Variants in SEC16A observed in about 807,000 individuals in gnomAD.
SEC16A encodes SEC16 homolog A, endoplasmic reticulum export factor.
SEC16A carries 110 observed loss-of-function variants against 221.9 expected under a neutral mutation model. The ratio of observed to expected loss-of-function variants is 0.50; its 90% confidence interval spans 0.42 to 0.58. The LOEUF (loss-of-function observed/expected upper bound fraction) is 0.58. SEC16A is among the 20% of genes least tolerant of loss of function. SEC16A has a pLI of 0.00. For missense variants in SEC16A, 3,165 were observed against 3,097.8 expected (o/e 1.02, Z -0.52); for synonymous variants, 1,393 against 1,257.7 (o/e 1.11, Z -2.28).
upstream of SEC16A, chr9:136,483,105 G>T: frequency 1.3e-6 from 1 of 793,020 alleles, no homozygotes; most frequent in South Asian, 5.6e-5. Flanking sequence ...CGCGCGCCCC[G>T]CCCCTGGCCC....
In SEC16A at chr9:136,456,100, C is replaced by A. The variant is rs138068163; in HGVS notation, c.5617G>T (p.Ala1873Ser). 288 of 1,612,870 alleles carry A rather than the reference C, an allele frequency of 1.8e-4. 1 individual carries two copies. In the African/African-American group the frequency reaches 3.3e-3, roughly 18 times the overall value. Residue 1873 changes from alanine to serine, a missense_variant, in exon 19 of 32, where the codon GCA becomes TCA. By Grantham distance (99) the Ala-to-Ser change is moderately conservative (BLOSUM62 1). Coordinates refer to ENST00000684901, the MANE Select transcript of SEC16A (RefSeq NM_014866.2). ...TGCAGGTGAACCAGCCACGTGGGTG[C>A]GGCCAAGGACTCCTCTTCTGGCTTC... ...KEKPEEESLA[A>S]PTWLVHLQQV...
At chr9:136,471,940 G>A (rs780532194) in intron 4 of SEC16A, 35 bp downstream of exon 4, 2 of 1,608,004 alleles carry the variant, frequency 1.2e-6, no homozygotes. Context: ...GGTCTGAGTA[G>A]GACAGAGAGG....
In SEC16A at chr9:136,459,550, T is replaced by C. The variant is rs777876319; in HGVS notation, c.5197A>G (p.Arg1733Gly). The C allele has an allele frequency of 1.3e-6, 2 of 1,594,488 alleles. No homozygotes were observed. Among genetic ancestry groups the C allele is most frequent in the Non-Finnish European group, 1.7e-6 (2 of 1,169,934 alleles). Residue 1733 changes from arginine to glycine, a missense_variant, in exon 16 of 32, where the codon AGG becomes GGG. This residue lies in a region of SEC16A where 1,088 missense variants were observed against 1,089.6 expected (regional missense o/e 1.00). Transcript: ENST00000684901. This position sits in a 1 kb window ranked among gnomAD's most constrained non-coding sequence, Gnocchi z 6.1. The part of the protein sequence containing the change: ...MATMGDTLAS[R>G]GLLDAAHFCY... The stretch of plus-strand genomic sequence containing the variant: ...AAGTGGGCCGCATCCAAGAGGCCCC[T>C]TGAAGCTGCGGAGAGACGACACGAC...
chr9:136,454,382 C>T (rs375509541), intron 20 of SEC16A, 55 bp from the exon 21 acceptor site: 2 of 1,445,024 alleles, frequency 1.4e-6, no homozygotes, highest in Non-Finnish European at 1.9e-6. Context: ...GCTTGAGTTA[C>T]TGGAAGGAGC....
chr9:136,470,865 G>A (rs1389411450), intron 4 of SEC16A, among the ~76,000 whole-genome samples: 1 of 152,252 alleles, frequency 6.6e-6, no homozygotes, highest in African/African-American at 2.4e-5. Flanking sequence ...TCCCCTTGCA[G>A]GAAGGCTCTA....
chr9:136,460,724 C>A (rs779609720), intron 13 of SEC16A, among the ~76,000 whole-genome samples: 11 of 152,000 alleles, frequency 7.2e-5, no homozygotes, highest in Non-Finnish European at 1.6e-4. Context: ...ACCGGCCTGG[C>A]CAACATGGCA....
In SEC16A at chr9:136,454,079, G is replaced by A. The variant is rs761814562; in HGVS notation, c.6076+30C>T. The stretch of plus-strand genomic sequence containing the variant: ...AAACACCACACCCCATGCTGCTTCT[G>A]CTCTCGAGACAGCATCTCTGCAGCC... On this transcript the variant is annotated intron_variant, in intron 21 of 31. Transcript: ENST00000684901. The A allele has an allele frequency of 8.5e-6, 13 of 1,528,932 alleles. No homozygotes were observed. The South Asian group carries it at 1.6e-4, about 18-fold the overall frequency. 94.7% of individuals were successfully genotyped at this position (1,528,932 alleles called of 1,614,324 possible). A position where few individuals can be genotyped will look rare whatever the true frequency, so the allele number is the denominator to read the frequency against.
chr9:136,461,275 C>T lies in SEC16A; in HGVS notation c.4894-1G>A, dbSNP rs763579513. 6.3e-7 allele frequency: 1 copy of T among 1,597,026 alleles called. No individual in the cohort carries two copies. The highest frequency in any genetic ancestry group is 8.5e-7 in the Non-Finnish European group (1 of 1,171,626). ...TCTTCATTGCAGACTCCAAAGCATC[C>T]TGCAAAAGGCATTTCAGGGACCTTG... On this transcript the variant is annotated splice_acceptor_variant, in intron 12 of 31. Transcript: ENST00000684901. LOFTEE classifies it high-confidence loss of function.
In SEC16A at chr9:136,447,665, G is replaced by A; in HGVS notation, c.6463C>T (p.Pro2155Ser). ...EPEEEKKAPP[P>S]PPTSMPKTVQ... ...GTCTTGGGCATCGAGGTTGGAGGTG[G>A]GGGCGGGGCTTTCTTCTGCAGAGGG... is the stretch of plus-strand genomic sequence containing the variant. Residue 2155 changes from proline to serine, a missense_variant, in exon 26 of 32, where the codon CCA becomes TCA. Around this residue, in one of 3 missense-constraint regions of SEC16A, gnomAD observed 1,088 missense variants for 1,089.6 expected, o/e 1.00. Transcript: ENST00000684901. This position sits in a 1 kb window ranked among gnomAD's most constrained non-coding sequence, Gnocchi z 5.5. 1 of 1,611,742 alleles carries A rather than the reference G, an allele frequency of 6.2e-7. No individual in the cohort carries two copies. The highest frequency in any genetic ancestry group is 8.5e-7 in the Non-Finnish European group (1 of 1,178,260).
rs45613441 is a variant in SEC16A, at chr9:136,459,985, G to A, written c.5073+57C>T. 0.075 allele frequency: 116,060 copies of A among 1,549,460 alleles called. 4,859 individuals carry two copies. The highest frequency in any genetic ancestry group is 0.088 in the Non-Finnish European group (100,236 of 1,136,806). ...CACGGCCTGTGACAGCGTCACCCAC[G>A]AGCAAACTCCACACAGGCAGTGGAG... On this transcript the variant is annotated intron_variant, in intron 14 of 31. Coordinates refer to ENST00000684901, the MANE Select transcript of SEC16A (RefSeq NM_014866.2). This position sits in a 1 kb window ranked among gnomAD's most constrained non-coding sequence, Gnocchi z 6.1.
Position 136,466,992 on chromosome 9 carries a change from GTCATACTCTGCA to G in SEC16A, c.3882_3893del (p.Glu1296_Ala1299del). 6.2e-7 allele frequency: 1 copy of G among 1,613,782 alleles called. No homozygotes were observed. Among genetic ancestry groups the G allele is most frequent in the Non-Finnish European group, 8.5e-7 (1 of 1,179,846 alleles). ...AGGCAGAGTGCTCTCTCCTGTATGC[GTCATACTCTGCA>G]TCACACCAATACCTCCGGTCATAGG... On this transcript the variant is annotated inframe_deletion, in exon 6 of 32. Transcript: ENST00000684901. The surrounding 1 kb of genome is among the most constrained non-coding windows in gnomAD (Gnocchi z 5.5).
rs374468898 is a variant in SEC16A, at chr9:136,472,106, G to A, written c.3573C>T (p.Val1191=). Residue 1191 remains valine, a synonymous_variant, in exon 4 of 32, where the codon GTC becomes GTT. Coordinates refer to ENST00000684901, the MANE Select transcript of SEC16A (RefSeq NM_014866.2). ...PGAASLYYQD[V]YSLYEPRYRP... ...TGTATCGAGGCTCATAGAGGCTGTA[G>A]ACATCCTGTGGGAGGAAGCATTTGG... 2 of 1,613,642 alleles carry A rather than the reference G, an allele frequency of 1.2e-6. No homozygotes were observed. The highest frequency in any genetic ancestry group is 8.5e-7 in the Non-Finnish European group (1 of 1,179,874).
upstream of SEC16A, chr9:136,484,256 C>T (rs1842742721): frequency 1.4e-5 from 10 of 706,484 alleles, no homozygotes; most frequent in South Asian, 9.9e-5. Context: ...CGAGTGGGCC[C>T]GGGCGCTCGG....
At chr9:136,457,374 G>T in intron 18 of SEC16A, 70 bp downstream of exon 18, 1 of 1,506,396 alleles carries the variant, frequency 6.6e-7, no homozygotes, top group Non-Finnish European at 9.0e-7. Flanking sequence ...CCCCATGCCC[G>T]GGGGCTCTGG....
chr9:136,483,180 C>A, upstream of SEC16A: 1 of 263,212 alleles, frequency 3.8e-6, no homozygotes, highest in Non-Finnish European at 5.9e-6. Flanking sequence ...CCCTCGGCCC[C>A]GCCCCTCGCC....
In SEC16A at chr9:136,477,610, C is replaced by A; in HGVS notation, c.6G>T (p.Gln2His). The part of the protein sequence containing the change: M[Q>H]PPPQTVPSGM... ...CAGACGGGACCGTCTGGGGCGGTGG[C>A]TGCATGACTGAACCCTTGCACAAGT... The change falls in exon 3 of 32, where the codon CAG becomes CAT. Residue 2 changes from glutamine (Q) to histidine (H), a missense_variant. By Grantham distance (24) the Gln-to-His change is conservative. Transcript: ENST00000684901. 1 of 1,605,022 alleles carries A rather than the reference C, an allele frequency of 6.2e-7. No individual in the cohort carries two copies. The highest frequency in any genetic ancestry group is 8.5e-7 in the Non-Finnish European group (1 of 1,175,802).
At chr9:136,478,248 C>T (rs1184122777) in intron 2 of SEC16A, among the ~76,000 whole-genome samples, 1 of 151,860 alleles carries the variant, frequency 6.6e-6, no homozygotes, top group Non-Finnish European at 1.5e-5. Flanking sequence ...ACAAAAAATA[C>T]AAAAATCAGC....
Position 136,456,108 on chromosome 9 carries a change from G to C in SEC16A, c.5609C>G (p.Ser1870Cys), listed in dbSNP as rs369788591. ...AACCAGCCACGTGGGTGCGGCCAAG[G>C]ACTCCTCTTCTGGCTTCTCTTTCAG... is the stretch of plus-strand genomic sequence containing the variant. The part of the protein sequence containing the change: ...PQLKEKPEEE[S>C]LAAPTWLVHL... The change falls in exon 19 of 32, where the codon TCC becomes TGC. Residue 1870 changes from serine (S) to cysteine (C), a missense_variant. Ser to Cys is a moderately radical substitution (Grantham distance 112, BLOSUM62 -1). This residue lies in a region of SEC16A where 1,088 missense variants were observed against 1,089.6 expected (regional missense o/e 1.00). Transcript: ENST00000684901. 9.3e-6 allele frequency: 15 copies of C among 1,612,890 alleles called. No individual in the cohort carries two copies. In the African/African-American group the frequency reaches 1.5e-4, roughly 16 times the overall value.
intron 29 of SEC16A, 71 bp downstream of exon 29, chr9:136,445,573 GA>G: frequency 8.6e-7 from 1 of 1,169,232 alleles, no homozygotes; most frequent in Non-Finnish European, 1.2e-6. Flanking sequence ...CTCCATAAAG[GA>G]AGAGGCGCCT....
Sources: gnomAD v4.1 joint callset for allele counts (sites outside exome capture counted in the v4.1 genomes callset) on GRCh38, gnomAD v4.1.1 for gene constraint, gnomAD v4.1.1 regional missense constraint, Gnocchi (gnomAD v3.1) non-coding constraint, MANE v1.5 for transcripts, NCBI Gene and HGNC (gene_info 2026-07-23, HGNC 2026-07-21) for gene names.